ASTL: variants seen among roughly 807,000 people sequenced by gnomAD.
ASTL encodes astacin like metalloendopeptidase.
A neutral mutation model predicts 36.7 loss-of-function variants in ASTL; 27 were observed. The ratio of observed to expected loss-of-function variants is 0.73; its 90% CI spans 0.54 to 1.01. The LOEUF (loss-of-function observed/expected upper bound fraction) is 1.01, where lower values mean the gene tolerates loss of function less well. Among genes scored for constraint, ASTL ranks in the 50% least tolerant of loss-of-function variants. The pLI is 0.00. For synonymous variants in ASTL, 222 were observed against 228.1 expected (o/e 0.97, Z 0.24); for missense variants, 524 against 572.8 (o/e 0.91, Z 0.87).
chr2:96,127,934 G>A (rs906506181), intron 8 of ASTL, among the ~76,000 whole-genome samples: 5 of 151,892 alleles, frequency 3.3e-5, no homozygotes, highest in African/African-American at 1.2e-4. Flanking sequence ...ATTATGTGTT[G>A]CAAAAAAATA....
rs753364550 is a variant in ASTL, at chr2:96,129,914, C to T, written c.784G>A (p.Gly262Ser). 3.3e-5 allele frequency: 53 copies of T among 1,606,236 alleles called. No individual in the cohort carries two copies. The African/African-American group carries it at 3.7e-4, about 11-fold the overall frequency. ...GAGGCACTCAGGTTCCATCGCTGGCCGATGTGGACACTGGGGGCCCAAAGT... is the reference window on the plus strand; with the variant it reads ...GAGGCACTCAGGTTCCATCGCTGGCTGATGTGGACACTGGGGGCCCAAAGT... ...TPLWAPSVHI[G>S]QRWNLSASDI... The change falls in exon 8 of 9, where the codon GGC (glycine) becomes AGC (serine). Residue 262 changes from glycine to serine, a missense_variant. By Grantham distance (56) the Gly-to-Ser change is moderately conservative. Coordinates refer to ENST00000342380, the MANE Select transcript of ASTL (RefSeq NM_001002036.4).
chr2:96,136,488 G>A (rs1046068372), intron 2 of ASTL, among the ~76,000 whole-genome samples: 20 of 152,260 alleles, frequency 1.3e-4, no homozygotes, highest in African/African-American at 4.8e-4. Flanking sequence ...TAGGATAGTT[G>A]TTGGGGTCAC....
rs761232259 is a variant in ASTL, at chr2:96,132,706, C to T, written c.471G>A (p.Val157=). ...CCACCTGCATCCCTCCACTGCGCCC[C>T]ACACTCGAGAAGCACCTGCAGGGTG... ...IIPMYGCFSS[V]GRSGGMQVVS... Residue 157 remains valine (V), a synonymous_variant, in exon 6 of 9, where the codon GTG becomes GTA. Coordinates refer to ENST00000342380, the MANE Select transcript of ASTL (RefSeq NM_001002036.4). The surrounding 1 kb of genome is among the most constrained non-coding windows in gnomAD (Gnocchi z 5.4). 1.2e-6 allele frequency: 2 copies of T among 1,611,312 alleles called. No homozygotes were observed. The highest frequency in any genetic ancestry group is 1.7e-5 in the Admixed American group (1 of 59,916).
chr2:96,124,339 C>T lies in ASTL; in HGVS notation c.875-68G>A. On this transcript the variant is annotated intron_variant, in intron 8 of 8. Coordinates refer to ENST00000342380, the MANE Select transcript of ASTL (RefSeq NM_001002036.4). This position sits in a 1 kb window ranked among gnomAD's most constrained non-coding sequence, Gnocchi z 4.1. ...ATGACATGTGGCCCAGCTGTGCGGA[C>T]CCAGAGCTGGCTCAGCTCACAGGAG... 2 of 1,390,292 alleles carry T rather than the reference C, an allele frequency of 1.4e-6. No homozygotes were observed. The highest frequency in any genetic ancestry group is 9.5e-7 in the Non-Finnish European group (1 of 1,058,150). 86.1% of individuals were successfully genotyped at this position (1,390,292 alleles called of 1,614,324 possible).
chr2:96,123,961 G>A lies in ASTL; in HGVS notation c.1185C>T (p.Pro395=). The A allele has an allele frequency of 6.2e-7, 1 of 1,614,014 alleles. No individual in the cohort carries two copies. The highest frequency in any genetic ancestry group is 8.5e-7 in the Non-Finnish European group (1 of 1,179,992). Residue 395 remains proline, a synonymous_variant, in exon 9 of 9, where the codon CCC becomes CCT. Transcript: ENST00000342380. ...QSWLAGVSTK[P]TVPSSEAGIQ... The stretch of plus-strand genomic sequence containing the variant: ...TTCCTGCTTCTGAAGATGGGACTGT[G>A]GGCTTGGTGGACACTCCGGCCAGCC...
At chr2:96,134,898 G>A (rs1682264056) in intron 3 of ASTL, among the ~76,000 whole-genome samples, 1 of 152,178 alleles carries the variant, frequency 6.6e-6, no homozygotes, top group African/African-American at 2.4e-5. Context: ...TCTCCCTTCA[G>A]ATGCGGCCCC....
At chr2:96,136,773 C>T (rs1682309571) in intron 2 of ASTL, among the ~76,000 whole-genome samples, 1 of 152,230 alleles carries the variant, frequency 6.6e-6, no homozygotes, top group Non-Finnish European at 1.5e-5. Context: ...GTCTCCATTT[C>T]AACTGGCTTT....
rs571269471 is a variant in ASTL, at chr2:96,132,203, T to A, written c.637+337A>T. ...GGTATCTGGTACATGAGACCGCTGC[T>A]AGAGTACTCAACAAGCAGGTATCAT... On this transcript the variant is annotated intron_variant, in intron 6 of 8. Transcript: ENST00000342380. The surrounding 1 kb of genome is among the most constrained non-coding windows in gnomAD (Gnocchi z 5.4). Among the ~76,000 whole-genome samples, 1 of 152,314 alleles carries A rather than the reference T, an allele frequency of 6.6e-6. No homozygotes were observed. Among genetic ancestry groups the A allele is most frequent in the South Asian group, 2.1e-4 (1 of 4,826 alleles).
rs994031784 is a variant in ASTL at position 96,123,672 on chromosome 2, C to T, written c.*178G>A. Among the ~76,000 whole-genome samples the T allele has an allele frequency of 6.6e-6, 1 of 152,140 alleles. No individual in the cohort carries two copies. Among genetic ancestry groups the T allele is most frequent in the Non-Finnish European group, 1.5e-5 (1 of 67,998 alleles). On this transcript the variant is annotated 3_prime_UTR_variant, in exon 9 of 9. Coordinates refer to ENST00000342380, the MANE Select transcript of ASTL (RefSeq NM_001002036.4). Reference sequence around the variant, plus strand: ...GGCAGAGCTAGAAGAACCCCTGGCCCTAGGAGCCCTTAGGGGAACACAGTG... The same window carrying T: ...GGCAGAGCTAGAAGAACCCCTGGCCTTAGGAGCCCTTAGGGGAACACAGTG...
Position 96,123,021 on chromosome 2 carries a change from C to A in ASTL, c.*829G>T, listed in dbSNP as rs1031870381. Among the ~76,000 whole-genome samples the A allele has an allele frequency of 1.3e-5, 2 of 152,232 alleles. No individual in the cohort carries two copies. Among genetic ancestry groups the A allele is most frequent in the Non-Finnish European group, 2.9e-5 (2 of 68,038 alleles). ...ACAAACCTCATGGGGAAAGCCGGAGCTGGGGCAGAGGAGTAGGGCCTGCCT... is the reference window on the plus strand; with the variant it reads ...ACAAACCTCATGGGGAAAGCCGGAGATGGGGCAGAGGAGTAGGGCCTGCCT... On this transcript the variant is annotated 3_prime_UTR_variant, in exon 9 of 9. Transcript: ENST00000342380.
chr2:96,131,729 C>CCCTGGCTGCCTCA lies in ASTL; in HGVS notation c.637+798_637+810dup, dbSNP rs540607127. Among the ~76,000 whole-genome samples the CCCTGGCTGCCTCA allele has an allele frequency of 2.6e-3, 392 of 152,282 alleles. 3 individuals carry two copies. The highest frequency in any genetic ancestry group is 9.0e-3 in the African/African-American group (375 of 41,554). On this transcript the variant is annotated intron_variant, in intron 6 of 8. Transcript: ENST00000342380. ...GAAGGTCCTTGGGCCCAGGCAGCTT[C>CCCTGGCTGCCTCA]CCTGGCTGCCTCACCTGGCTAACAT... is the stretch of plus-strand genomic sequence containing the variant.
chr2:96,133,500 A>G lies in ASTL; in HGVS notation c.380T>C (p.Phe127Ser). Residue 127 changes from phenylalanine to serine, a missense_variant, in exon 5 of 9, where the codon TTT (phenylalanine) becomes TCT (serine). Transcript: ENST00000342380. ...RQVILEALAE[F>S]ERSTCIRFVT... ...AAACCTGATGCACGTGGAACGTTCA[A>G]ACTCCGCAAGAGCCTCCAGGATGAC... 1 of 1,614,196 alleles carries G rather than the reference A, an allele frequency of 6.2e-7. No homozygotes were observed. Among genetic ancestry groups the G allele is most frequent in the Non-Finnish European group, 8.5e-7 (1 of 1,180,014 alleles).
chr2:96,129,889 G>A lies in ASTL; in HGVS notation c.809C>T (p.Ser270Leu), dbSNP rs769275452. 6.2e-6 allele frequency: 10 copies of A among 1,604,006 alleles called. No homozygotes were observed. Among genetic ancestry groups the A allele is most frequent in the Admixed American group, 3.4e-5 (2 of 59,682 alleles). ...HIGQRWNLSA[S>L]DITRVLKLYG... is the part of the protein sequence containing the mutation. The stretch of plus-strand genomic sequence containing the variant: ...GAGTTTGAGGACCCGGGTGATGTCC[G>A]AGGCACTCAGGTTCCATCGCTGGCC... Residue 270 changes from serine (S) to leucine (L), a missense_variant, in exon 8 of 9, where the codon TCG becomes TTG. Transcript: ENST00000342380.
At chr2:96,131,862 G>C (rs1486840246) in intron 6 of ASTL, among the ~76,000 whole-genome samples, 2 of 152,098 alleles carry the variant, frequency 1.3e-5, no homozygotes, top group East Asian at 3.9e-4. Flanking sequence ...CCTCCCTCGT[G>C]GGGCTCTTCC....
chr2:96,137,861 C>T, intron 1 of ASTL, 161 bp from the exon 2 acceptor site: 1 of 695,064 alleles, frequency 1.4e-6, no homozygotes, highest in Non-Finnish European at 2.3e-6. Context: ...AGCCTCCCTG[C>T]TCAACCCCAA....
chr2:96,135,244 TG>T, intron 3 of ASTL, 106 bp downstream of exon 3: 2 of 837,658 alleles, frequency 2.4e-6, no homozygotes. Context: ...TACCAAGCTA[TG>T]TATGTCCCTC....
Position 96,137,663 on chromosome 2 carries a change from T to C in ASTL, c.93A>G (p.Ala31=). ...ILGAPLASSC[A]GACGTSFPDG... ...CTGGGAAGCTGGTACCACAGGCTCCTGCGCAGCTGGAGGCCAGGGGCGCTC... is the reference window on the plus strand; with the variant it reads ...CTGGGAAGCTGGTACCACAGGCTCCCGCGCAGCTGGAGGCCAGGGGCGCTC... The change falls in exon 2 of 9, where the codon GCA becomes GCG. Residue 31 remains alanine, a synonymous_variant. Transcript: ENST00000342380. 1.2e-6 allele frequency: 2 copies of C among 1,613,686 alleles called. No individual in the cohort carries two copies. Among genetic ancestry groups the C allele is most frequent in the East Asian group, 4.5e-5 (2 of 44,882 alleles).
Position 96,124,218 on chromosome 2 carries a change from G to A in ASTL, c.928C>T (p.Gln310Ter), listed in dbSNP as rs987771173. Residue 310 changes from glutamine to a stop codon, truncating the protein, a stop_gained, in exon 9 of 9, where the codon CAG becomes TAG. Transcript: ENST00000342380. LOFTEE classifies it low-confidence loss of function (END_TRUNC). This position sits in a 1 kb window ranked among gnomAD's most constrained non-coding sequence, Gnocchi z 4.1. ...GCCGACAGTGCCTCCAAAAGCCGCT[G>A]CAGAGATAGGGAGGCCGGAGCGGGG... ...RSPAPASLSL[Q>*]RLLEALSAES... is the part of the protein sequence containing the mutation. 1 of 1,521,172 alleles carries A rather than the reference G, an allele frequency of 6.6e-7. No homozygotes were observed. The highest frequency in any genetic ancestry group is 8.8e-7 in the Non-Finnish European group (1 of 1,136,860). 94.2% of individuals were successfully genotyped at this position (1,521,172 alleles called of 1,614,324 possible). A position where few individuals can be genotyped will look rare whatever the true frequency, so the allele number is the denominator to read the frequency against.
At chr2:96,130,185 G>A (rs774372393) in intron 6 of ASTL, 40 bp from the exon 7 acceptor site, 1 of 1,536,420 alleles carries the variant, frequency 6.5e-7, no homozygotes, top group Non-Finnish European at 9.0e-7. Context: ...GATATATAAA[G>A]AGGGCAGGCA....
Sources: allele counts gnomAD v4.1 joint callset (sites outside exome capture counted in the v4.1 genomes callset), GRCh38; gene constraint gnomAD v4.1.1; non-coding constraint Gnocchi (gnomAD v3.1); transcripts MANE v1.5; gene names NCBI Gene and HGNC (gene_info 2026-07-23, HGNC 2026-07-21).